ABCE1: variants seen among roughly 807,000 people sequenced by gnomAD.
ABCE1 encodes ATP binding cassette subfamily E member 1.
A neutral mutation model predicts 83.4 loss-of-function variants in ABCE1; 22 were observed. The observed-to-expected ratio is 0.26, with a 90% CI of 0.19 to 0.38. The LOEUF (loss-of-function observed/expected upper bound fraction) is 0.38. ABCE1 is among the 10% of genes least tolerant of loss of function. The pLI is 1.00. For missense variants in ABCE1, 330 were observed against 721.9 expected (o/e 0.46, Z 6.22); for synonymous variants, 204 against 233.7 (o/e 0.87, Z 1.16).
intron 9 of ABCE1, among the ~76,000 whole-genome samples, chr4:145,117,024 A>G (rs1749625517): frequency 6.6e-6 from 1 of 151,944 alleles, no homozygotes; most frequent in South Asian, 2.1e-4. Context: ...TTACTTTGTA[A>G]CACTTATTTC....
chr4:145,116,664 A>G (rs1171351696), intron 9 of ABCE1, among the ~76,000 whole-genome samples: 2 of 151,912 alleles, frequency 1.3e-5, no homozygotes, highest in Non-Finnish European at 2.9e-5. Flanking sequence ...ATTCCAGCCA[A>G]TACTGTATCA....
intron 13 of ABCE1, chr4:145,122,712 G>A (rs1749776693): frequency 5.2e-6 from 1 of 193,388 alleles, no homozygotes; most frequent in East Asian, 1.3e-4. Context: ...TCTAGAGGCT[G>A]AAGTGGGAGG....
chr4:145,110,462 G>A lies in ABCE1; in HGVS notation c.613+18G>A, dbSNP rs1388357314. On this transcript the variant is annotated intron_variant, in intron 7 of 17. Coordinates refer to ENST00000296577, the MANE Select transcript of ABCE1 (RefSeq NM_002940.3). ...GCAGCTTGGTAAGTGTTTATTTTTT[G>A]TTTGTGTGAATATATATTTATTTAT... 6.2e-7 allele frequency: 1 copy of A among 1,606,986 alleles called. No homozygotes were observed. Among genetic ancestry groups the A allele is most frequent in the Non-Finnish European group, 8.5e-7 (1 of 1,176,016 alleles).
intron 2 of ABCE1, among the ~76,000 whole-genome samples, chr4:145,105,369 T>A (rs888818678): frequency 2.0e-5 from 3 of 152,078 alleles, no homozygotes; most frequent in African/African-American, 7.2e-5. Flanking sequence ...AAAATAAATA[T>A]ATATTAATTA....
chr4:145,107,881 AAATGAAAC>A, intron 3 of ABCE1, 126 bp from the exon 4 acceptor site: 1 of 688,828 alleles, frequency 1.5e-6, no homozygotes, highest in Non-Finnish European at 2.3e-6. Context: ...TAGTAGAAGG[AAATGAAAC>A]AACATTTCAC....
chr4:145,111,469 G>A (rs1036572647), intron 8 of ABCE1, among the ~76,000 whole-genome samples: 6 of 152,060 alleles, frequency 3.9e-5, no homozygotes, highest in East Asian at 3.9e-4. Flanking sequence ...GACTACAGAC[G>A]CCCGCCACCA....
At chr4:145,117,886 A>G (rs1259029442) in intron 10 of ABCE1, among the ~76,000 whole-genome samples, 1 of 151,720 alleles carries the variant, frequency 6.6e-6, no homozygotes, top group East Asian at 1.9e-4. Context: ...AGTGTATTAA[A>G]ATTTTCATTT....
chr4:145,126,902 G>A (rs1477541072), intron 17 of ABCE1, among the ~76,000 whole-genome samples: 1 of 151,948 alleles, frequency 6.6e-6, no homozygotes, highest in East Asian at 1.9e-4. Context: ...AAATTGAAGA[G>A]TTTTCTCAGT....
chr4:145,105,579 C>T (rs751314299), intron 2 of ABCE1, 26 bp from the exon 3 acceptor site: 2 of 1,497,222 alleles, frequency 1.3e-6, no homozygotes, highest in Admixed American at 1.8e-5. Context: ...AAGGAAATGG[C>T]TTAATTATAT....
At chr4:145,099,875 G>A (rs1451495171) in intron 1 of ABCE1, among the ~76,000 whole-genome samples, 1 of 152,102 alleles carries the variant, frequency 6.6e-6, no homozygotes, top group Non-Finnish European at 1.5e-5. Flanking sequence ...TGACACTGAG[G>A]GTCATTGTTC....
intron 16 of ABCE1, chr4:145,123,981 C>T (rs1206441363): frequency 6.3e-6 from 1 of 159,472 alleles, no homozygotes; most frequent in African/African-American, 2.4e-5. Flanking sequence ...CCAACTTATG[C>T]TGACAGTGAT....
Position 145,127,688 on chromosome 4 carries a change from A to G in ABCE1, c.*115A>G, listed in dbSNP as rs114309613. 1.3e-3 allele frequency: 962 copies of G among 733,162 alleles called. 14 individuals are homozygous for G. In the African/African-American group the frequency reaches 0.015, roughly 12 times the overall value. 45.4% of individuals were successfully genotyped at this position (733,162 alleles called of 1,614,324 possible). A position where few individuals can be genotyped will look rare whatever the true frequency, so the allele number is the denominator to read the frequency against. On this transcript the variant is annotated 3_prime_UTR_variant, in exon 18 of 18. Transcript: ENST00000296577. ...CCCCACATACTCTGGAACTTGAAGTATAATATACTTAATATAACATAAAAA... is the reference window on the plus strand; with the variant it reads ...CCCCACATACTCTGGAACTTGAAGTGTAATATACTTAATATAACATAAAAA...
At chr4:145,111,099 C>G (rs1052026830) in intron 8 of ABCE1, 35 bp downstream of exon 8, 1 of 1,453,590 alleles carries the variant, frequency 6.9e-7, no homozygotes, top group South Asian at 1.2e-5. Context: ...TATCTTCATC[C>G]GTATTGTAGA....
At chr4:145,104,872 TA>T (rs1367291795) in intron 2 of ABCE1, among the ~76,000 whole-genome samples, 1 of 151,766 alleles carries the variant, frequency 6.6e-6, no homozygotes, top group East Asian at 1.9e-4. Context: ...AGGGTTACAG[TA>T]AACTTTGACA....
chr4:145,121,559 T>C, intron 13 of ABCE1, 168 bp downstream of exon 13: 1 of 579,334 alleles, frequency 1.7e-6, no homozygotes, highest in South Asian at 2.2e-5. Context: ...TATCCACTGC[T>C]AAGAAAGTGC....
intron 10 of ABCE1, among the ~76,000 whole-genome samples, chr4:145,117,893 A>G (rs1414675503): frequency 2.0e-5 from 3 of 151,750 alleles, no homozygotes; most frequent in Admixed American, 6.6e-5. Flanking sequence ...TAAAATTTTC[A>G]TTTAGTCTTT....
intron 17 of ABCE1, among the ~76,000 whole-genome samples, chr4:145,125,773 G>T (rs560256907): frequency 6.6e-6 from 1 of 152,116 alleles, no homozygotes; most frequent in Admixed American, 6.6e-5. Context: ...TGATTAAAAG[G>T]TGTATTTTAG....
chr4:145,110,046 C>T, intron 5 of ABCE1, 57 bp from the exon 6 acceptor site: 5 of 1,413,054 alleles, frequency 3.5e-6, no homozygotes, highest in Admixed American at 2.5e-5. Flanking sequence ...AGCATTCATC[C>T]TCTTTGTCAT....
chr4:145,103,917 A>G (rs949307836), intron 1 of ABCE1, among the ~76,000 whole-genome samples: 3 of 151,748 alleles, frequency 2.0e-5, no homozygotes, highest in Admixed American at 1.3e-4. Flanking sequence ...GCACACCACC[A>G]CATGTCTGGG....
Sources: allele counts gnomAD v4.1 joint callset (sites outside exome capture counted in the v4.1 genomes callset), GRCh38; gene constraint gnomAD v4.1.1; transcripts MANE v1.5; gene names NCBI Gene and HGNC (gene_info 2026-07-23, HGNC 2026-07-21).